Variants in MSRA observed in about 807,000 individuals in gnomAD.
MSRA encodes the protein mitochondrial peptide methionine sulfoxide reductase.
Under a neutral mutation model 31.3 loss-of-function variants are expected in MSRA, and 54 were observed. That is an observed-to-expected ratio of 1.73 (90% CI 1.39 to 2.17). MSRA has a LOEUF of 2.17. Ranked by LOEUF, MSRA falls within the 30% of genes most tolerant of loss-of-function variation. The pLI is 0.00. For missense variants in MSRA, 507 were observed against 300.9 expected (o/e 1.69, Z -5.07); for synonymous variants, 169 against 116.5 (o/e 1.45, Z -2.90).
At chr8:10,257,139 T>A (rs1798226015) in intron 3 of MSRA, among the ~76,000 whole-genome samples, 1 of 152,118 alleles carries the variant, frequency 6.6e-6, no homozygotes, top group Non-Finnish European at 1.5e-5. Flanking sequence ...AAGGATTTTT[T>A]AGGAGGTGAT....
chr8:10,061,545 C>T (rs1802727397), intron 1 of MSRA, among the ~76,000 whole-genome samples: 1 of 152,150 alleles, frequency 6.6e-6, no homozygotes, highest in Admixed American at 6.5e-5. Flanking sequence ...TCTGTCTCAT[C>T]TCCCCACGTA....
At chr8:10,410,115 G>A (rs1416086766) in intron 5 of MSRA, among the ~76,000 whole-genome samples, 2 of 152,174 alleles carry the variant, frequency 1.3e-5, no homozygotes, top group Non-Finnish European at 2.9e-5. Flanking sequence ...ATGATCCTCC[G>A]AGCCTGGGTC....
At chr8:10,141,061 T>C (rs899250545) in intron 1 of MSRA, among the ~76,000 whole-genome samples, 7 of 152,162 alleles carry the variant, frequency 4.6e-5, no homozygotes, top group Non-Finnish European at 7.4e-5. Context: ...TGCAGTGAGT[T>C]GTAGAGGGCC....
At chr8:10,282,615 C>T (rs1187778439) in intron 3 of MSRA, among the ~76,000 whole-genome samples, 1 of 152,160 alleles carries the variant, frequency 6.6e-6, no homozygotes, top group Non-Finnish European at 1.5e-5. Context: ...ATTACCTTCT[C>T]GTCTGTTCTC....
At chr8:10,113,336 G>C (rs532596711) in intron 1 of MSRA, among the ~76,000 whole-genome samples, 11 of 109,932 alleles carry the variant, frequency 1.0e-4, no homozygotes, top group African/African-American at 3.8e-4. Context: ...TTTAAATGCT[G>C]AGCGAAAAGT....
chr8:10,083,451 C>A (rs1187730463), intron 1 of MSRA, among the ~76,000 whole-genome samples: 1 of 152,164 alleles, frequency 6.6e-6, no homozygotes, highest in Non-Finnish European at 1.5e-5. Context: ...AATTTACTCA[C>A]AATGATGGAG....
rs188791553 is a variant in MSRA, at chr8:10,357,147, C to T, written c.543+37158C>T. Among the ~76,000 whole-genome samples the T allele has an allele frequency of 2.6e-3, 398 of 152,324 alleles. 9 individuals carry two copies. The highest frequency in any genetic ancestry group is 0.025 in the Admixed American group (375 of 15,302). ...GCAAACCTACACCATGTGGTTTTTG[C>T]TCCTTTTCACGTTAACAGCCAATGA... On this transcript the variant is annotated intron_variant, in intron 5 of 5. Transcript: ENST00000317173.
chr8:10,363,163 C>G (rs1804952979), intron 5 of MSRA, among the ~76,000 whole-genome samples: 1 of 152,186 alleles, frequency 6.6e-6, no homozygotes, highest in East Asian at 1.9e-4. Context: ...GTCTTCAGGT[C>G]CTTGGGTACT....
At chr8:10,284,896 A>G (rs1488750071) in intron 3 of MSRA, among the ~76,000 whole-genome samples, 1 of 152,146 alleles carries the variant, frequency 6.6e-6, no homozygotes, top group African/African-American at 2.4e-5. Context: ...ACTGTTTGCC[A>G]CTATTATTAT....
chr8:10,357,756 T>C (rs1282883180), intron 5 of MSRA, among the ~76,000 whole-genome samples: 1 of 152,236 alleles, frequency 6.6e-6, no homozygotes, highest in Non-Finnish European at 1.5e-5. Context: ...TTTCTAGTTT[T>C]TTCAGTGGAC....
chr8:10,281,937 G>A (rs1799645185), intron 3 of MSRA, among the ~76,000 whole-genome samples: 1 of 152,128 alleles, frequency 6.6e-6, no homozygotes, highest in South Asian at 2.1e-4. Context: ...GAAATACGGG[G>A]CTTACTTTGC....
chr8:10,278,516 A>G (rs1387548547), intron 3 of MSRA, among the ~76,000 whole-genome samples: 1 of 152,186 alleles, frequency 6.6e-6, no homozygotes, highest in Non-Finnish European at 1.5e-5. Context: ...CCCCATTGAA[A>G]TCTACATCCA....
At chr8:10,062,637 A>G (rs1275443981) in intron 1 of MSRA, among the ~76,000 whole-genome samples, 4 of 152,238 alleles carry the variant, frequency 2.6e-5, no homozygotes, top group Non-Finnish European at 4.4e-5. Context: ...CGGTAAGTCC[A>G]TAACTGTTGG....
At chr8:10,117,904 C>T (rs879278104) in intron 1 of MSRA, among the ~76,000 whole-genome samples, 4 of 152,182 alleles carry the variant, frequency 2.6e-5, no homozygotes, top group Admixed American at 2.6e-4. Flanking sequence ...TTGCCCAAAT[C>T]AACACAAATG....
At chr8:10,221,739 GA>G (rs1263403771) in intron 2 of MSRA, among the ~76,000 whole-genome samples, 3 of 152,200 alleles carry the variant, frequency 2.0e-5, no homozygotes, top group Non-Finnish European at 4.4e-5. Flanking sequence ...CAGGGAAAGA[GA>G]ATAGGAAATG....
At chr8:10,226,240 T>A (rs1810990721) in intron 2 of MSRA, among the ~76,000 whole-genome samples, 1 of 152,208 alleles carries the variant, frequency 6.6e-6, no homozygotes, top group African/African-American at 2.4e-5. Flanking sequence ...CAGTTTTGAA[T>A]GTGGTAGATG....
intron 1 of MSRA, among the ~76,000 whole-genome samples, chr8:10,098,014 C>T (rs947706703): frequency 7.9e-5 from 12 of 151,940 alleles, no homozygotes; most frequent in East Asian, 5.8e-4. Context: ...ATAATAGACA[C>T]GTCTTTGTGC....
intron 1 of MSRA, among the ~76,000 whole-genome samples, chr8:10,056,963 A>C (rs1443465416): frequency 6.6e-6 from 1 of 152,170 alleles, no homozygotes; most frequent in Non-Finnish European, 1.5e-5. Context: ...ACCATTACCA[A>C]ATACTTGAGG....
At chr8:10,064,419 G>A (rs1465940074) in intron 1 of MSRA, among the ~76,000 whole-genome samples, 1 of 151,858 alleles carries the variant, frequency 6.6e-6, no homozygotes, top group African/African-American at 2.4e-5. Flanking sequence ...ATCCTTTCAT[G>A]GAAGTGCATC....
Sources: allele counts gnomAD v4.1 joint callset (sites outside exome capture counted in the v4.1 genomes callset), GRCh38; gene constraint gnomAD v4.1.1; transcripts MANE v1.5; gene names NCBI Gene and HGNC (gene_info 2026-07-23, HGNC 2026-07-21).